BAZ1A: variants seen among roughly 807,000 people sequenced by gnomAD.
The protein encoded by BAZ1A is bromodomain adjacent to zinc finger domain protein 1A.
In BAZ1A, 50 loss-of-function variants were observed where a neutral mutation model predicts 185.2. That is an observed-to-expected ratio of 0.27 (90% CI 0.22 to 0.34). The LOEUF (loss-of-function observed/expected upper bound fraction) is 0.34, where lower values mean the gene tolerates loss of function less well. Among genes scored for constraint, BAZ1A ranks in the 10% least tolerant of loss-of-function variants. The pLI, the probability that BAZ1A is intolerant of heterozygous loss-of-function variation, is 1.00. For missense variants in BAZ1A, 1,356 were observed against 1,839.9 expected (o/e 0.74, Z 4.81); for synonymous variants, 571 against 615.6 (o/e 0.93, Z 1.07).
chr14:34,760,583 C>T (rs949153130), intron 24 of BAZ1A, among the ~76,000 whole-genome samples: 17 of 149,368 alleles, frequency 1.1e-4, no homozygotes, highest in Admixed American at 4.0e-4. Flanking sequence ...GGTGTGGTGG[C>T]GCACACCTGT....
At chr14:34,847,678 C>T (rs1240778953) in intron 3 of BAZ1A, among the ~76,000 whole-genome samples, 1 of 152,250 alleles carries the variant, frequency 6.6e-6, no homozygotes, top group South Asian at 2.1e-4. Context: ...GTTCATCTTA[C>T]CGCATCAATA....
chr14:34,828,929 G>C (rs2042200543), intron 3 of BAZ1A, among the ~76,000 whole-genome samples: 1 of 152,152 alleles, frequency 6.6e-6, no homozygotes. Flanking sequence ...GCAAGGGAAA[G>C]GCCAAGCAAA....
intron 9 of BAZ1A, 131 bp downstream of exon 9, chr14:34,800,093 A>G: frequency 1.0e-6 from 1 of 964,760 alleles, no homozygotes; most frequent in Non-Finnish European, 1.4e-6. Flanking sequence ...AGATAAACCA[A>G]TCAACTTTCT....
intron 3 of BAZ1A, among the ~76,000 whole-genome samples, chr14:34,836,762 T>C (rs1042199758): frequency 6.6e-6 from 1 of 152,046 alleles, no homozygotes; most frequent in Non-Finnish European, 1.5e-5. Context: ...GTTTATGTGA[T>C]ATCTCATTTT....
intron 12 of BAZ1A, among the ~76,000 whole-genome samples, chr14:34,791,539 C>T (rs1434203957): frequency 1.4e-4 from 21 of 152,114 alleles, no homozygotes; most frequent in Admixed American, 1.4e-3. Context: ...CAAAAGGCAA[C>T]AAACATCAAT....
At chr14:34,771,305 C>T in intron 21 of BAZ1A, 1 of 525,500 alleles carries the variant, frequency 1.9e-6, no homozygotes, top group Non-Finnish European at 3.2e-6. Context: ...AGCTGGTAAT[C>T]TTTCTTTTGA....
chr14:34,804,526 A>G (rs1303933211), intron 6 of BAZ1A, among the ~76,000 whole-genome samples: 2 of 152,394 alleles, frequency 1.3e-5, no homozygotes, highest in East Asian at 3.9e-4. Flanking sequence ...GGTAGAGCAC[A>G]GCTTTAAACA....
chr14:34,803,159 T>TC (rs1881661270), intron 6 of BAZ1A, among the ~76,000 whole-genome samples, 171 bp from the exon 7 acceptor site: 1 of 151,982 alleles, frequency 6.6e-6, no homozygotes, highest in Admixed American at 6.6e-5. Context: ...GGCGGGCGGA[T>TC]CATGAGGTCA....
intron 2 of BAZ1A, among the ~76,000 whole-genome samples, chr14:34,867,911 T>G (rs781617909): frequency 2.0e-5 from 3 of 152,250 alleles, no homozygotes; most frequent in Non-Finnish European, 2.9e-5. Context: ...GGGGGTTGGT[T>G]ACAATGCCTC....
chr14:34,873,211 C>T (rs1476055289), intron 2 of BAZ1A, among the ~76,000 whole-genome samples: 4 of 152,146 alleles, frequency 2.6e-5, no homozygotes, highest in Non-Finnish European at 5.9e-5. Context: ...TTGCCCAAAA[C>T]CCTCCCTTGA....
At chr14:34,866,041 A>C (rs1221821977) in intron 2 of BAZ1A, among the ~76,000 whole-genome samples, 1 of 152,032 alleles carries the variant, frequency 6.6e-6, no homozygotes, top group East Asian at 1.9e-4. Context: ...TTGAAGAAAA[A>C]AATTAGCCAG....
At chr14:34,828,303 A>G (rs924172157) in intron 3 of BAZ1A, among the ~76,000 whole-genome samples, 10 of 151,488 alleles carry the variant, frequency 6.6e-5, no homozygotes, top group African/African-American at 1.9e-4. Context: ...CAAAAAAAAA[A>G]AAAAAAAAAA....
intron 5 of BAZ1A, among the ~76,000 whole-genome samples, chr14:34,810,577 G>A (rs553277743): frequency 5.2e-4 from 79 of 151,984 alleles, no homozygotes; most frequent in African/African-American, 1.8e-3. Context: ...TTAGATAGAA[G>A]ACTATTTGGG....
chr14:34,865,243 GA>G, intron 2 of BAZ1A, among the ~76,000 whole-genome samples: 1 of 151,986 alleles, frequency 6.6e-6, no homozygotes, highest in African/African-American at 2.4e-5. Context: ...GAGACTGTCT[GA>G]AAAAAAATTT....
rs777060588 is a variant in BAZ1A at position 34,826,123 on chromosome 14, T to C, written c.426A>G (p.Pro142=). Residue 142 remains proline (P), a synonymous_variant, in exon 4 of 27, where the codon CCA becomes CCG. Coordinates refer to ENST00000360310, the MANE Select transcript of BAZ1A (RefSeq NM_013448.3). ...CATTAGCAAAACCATTTTGATGTGA[T>C]GGAGGGAGGACTTCCAAAATCCTAC... The part of the protein sequence containing the change: ...LQCRILEVLP[P]SHQNGFANGH... 16 of 1,612,162 alleles carry C rather than the reference T, an allele frequency of 9.9e-6. No individual in the cohort carries two copies.
At chr14:34,832,213 CACATATAT>C (rs2042255757) in intron 3 of BAZ1A, among the ~76,000 whole-genome samples, 2 of 78,696 alleles carry the variant, frequency 2.5e-5, no homozygotes, top group Non-Finnish European at 5.7e-5. Context: ...CACACACACA[CACATATAT>C]ATATATATAT....
intron 3 of BAZ1A, among the ~76,000 whole-genome samples, chr14:34,853,434 C>T (rs1042720211): frequency 6.6e-6 from 1 of 152,128 alleles, no homozygotes; most frequent in African/African-American, 2.4e-5. Context: ...TCTTTGAAAG[C>T]ATAAAGTCTT....
At position 34,817,952 on chromosome 14, in the gene BAZ1A, A is replaced by T. The variant is rs553132694; in HGVS notation, c.537-6916T>A. On this transcript the variant is annotated intron_variant, in intron 4 of 26. Transcript: ENST00000360310. ...TTGGCAGTTCCTCAAAAAGTTAAGC[A>T]TAGATTACCATATGACCCAGCAATC... Among the ~76,000 whole-genome samples the T allele has an allele frequency of 2.0e-5, 3 of 152,320 alleles. No individual in the cohort carries two copies. In the East Asian group the frequency reaches 5.8e-4, roughly 29 times the overall value.
chr14:34,784,153 G>C (rs1880245985), intron 14 of BAZ1A, among the ~76,000 whole-genome samples: 1 of 151,810 alleles, frequency 6.6e-6, no homozygotes, highest in South Asian at 2.1e-4. Flanking sequence ...CAGATCACCT[G>C]AGGTCAGGAG....
Sources: gnomAD v4.1 joint callset for allele counts (sites outside exome capture counted in the v4.1 genomes callset) on GRCh38, gnomAD v4.1.1 for gene constraint, MANE v1.5 for transcripts, NCBI Gene and HGNC (gene_info 2026-07-23, HGNC 2026-07-21) for gene names.